The following FMN2 variants were observed in gnomAD, a reference collection of about 807,000 sequenced individuals.
FMN2 encodes formin 2.
A neutral mutation model predicts 142.3 loss-of-function variants in FMN2; 51 were observed. That is an observed-to-expected ratio of 0.36 (90% CI 0.29 to 0.45). The LOEUF (loss-of-function observed/expected upper bound fraction) is 0.45, where lower values mean the gene tolerates loss of function less well. Among genes scored for constraint, FMN2 ranks in the 20% least tolerant of loss-of-function variants. FMN2 has a pLI of 1.00. For synonymous variants in FMN2, 882 were observed against 869.8 expected (o/e 1.01, Z -0.25); for missense variants, 1,936 against 2,122.8 (o/e 0.91, Z 1.73).
At chr1:240,243,141 C>T (rs1379075) in intron 6 of FMN2, among the ~76,000 whole-genome samples, 1 of 151,534 alleles carries the variant, frequency 6.6e-6, no homozygotes, top group African/African-American at 2.4e-5. Flanking sequence ...AAAAAAAAAA[C>T]CAAAAAACAA....
intron 7 of FMN2, among the ~76,000 whole-genome samples, chr1:240,281,689 G>A (rs748755916): frequency 1.3e-4 from 19 of 151,854 alleles, no homozygotes; most frequent in African/African-American, 1.9e-4. Flanking sequence ...TTTCAATGTC[G>A]TACCATTTAA....
In FMN2 at chr1:240,413,261, G is replaced by A. The variant is rs1039872790; in HGVS notation, c.4910+20699G>A. ...AATGAAGTTGGTAGAGCTAGTCAGT[G>A]GGTGGTTTTTATGGAACCCGATCCA... On this transcript the variant is annotated intron_variant, in intron 15 of 17. Coordinates refer to ENST00000319653, the MANE Select transcript of FMN2 (RefSeq NM_020066.5). 3.6e-4 allele frequency among the ~76,000 whole-genome samples: 55 copies of A among 151,862 alleles called. 2 individuals carry two copies. Among genetic ancestry groups the A allele is most frequent in the Admixed American group, 3.3e-4 (5 of 15,252 alleles).
chr1:240,345,483 G>A (rs1361590279), intron 13 of FMN2, among the ~76,000 whole-genome samples: 3 of 152,002 alleles, frequency 2.0e-5, no homozygotes, highest in Non-Finnish European at 4.4e-5. Flanking sequence ...TGTTGTTTTT[G>A]TTTTTGAGAC....
At chr1:240,198,258 C>G (rs1355244911) in intron 4 of FMN2, among the ~76,000 whole-genome samples, 1 of 152,192 alleles carries the variant, frequency 6.6e-6, no homozygotes, top group Non-Finnish European at 1.5e-5. Flanking sequence ...AAGGCTGGTT[C>G]TTTTTGCTGT....
intron 15 of FMN2, among the ~76,000 whole-genome samples, chr1:240,415,463 A>G (rs1013560951): frequency 1.3e-5 from 2 of 151,960 alleles, no homozygotes; most frequent in Non-Finnish European, 2.9e-5. Flanking sequence ...ACAGCAAACC[A>G]CCATGGCACA....
In FMN2 at chr1:240,473,981, T is replaced by C. The variant is rs1676893832; in HGVS notation, c.5143-147T>C. ...AAGATAACACAGATCCCACTTATAC[T>C]TTTTTCCTTTATGGACTGGTAGACC... On this transcript the variant is annotated intron_variant, in intron 17 of 17. Coordinates refer to ENST00000319653, the MANE Select transcript of FMN2 (RefSeq NM_020066.5). The surrounding 1 kb of genome is among the most constrained non-coding windows in gnomAD (Gnocchi z 4.3). 1 of 624,686 alleles carries C rather than the reference T, an allele frequency of 1.6e-6. No homozygotes were observed. Among genetic ancestry groups the C allele is most frequent in the African/African-American group, 2.0e-5 (1 of 50,758 alleles). 38.7% of individuals were successfully genotyped at this position (624,686 alleles called of 1,614,324 possible).
At chr1:240,206,106 G>A (rs1572058753) in intron 4 of FMN2, among the ~76,000 whole-genome samples, 1 of 151,668 alleles carries the variant, frequency 6.6e-6, no homozygotes, top group Non-Finnish European at 1.5e-5. Flanking sequence ...GTCTTGCTAT[G>A]TTGCTCAGGC....
chr1:240,207,485 G>A lies in FMN2; in HGVS notation c.2673G>A (p.Leu891=), dbSNP rs763905334. 3 of 1,611,340 alleles carry A rather than the reference G, an allele frequency of 1.9e-6. No individual in the cohort carries two copies. Among genetic ancestry groups the A allele is most frequent in the Middle Eastern group, 1.7e-4 (1 of 6,052 alleles). ...PPLPGMTVPT[L]PSTAIPQPPP... Reference sequence around the variant, plus strand: ...TCCCTGGCATGACAGTGCCTACTCTGCCCAGTACAGCCATTCCCCAACCTC... The same window carrying A: ...TCCCTGGCATGACAGTGCCTACTCTACCCAGTACAGCCATTCCCCAACCTC... The change falls in exon 5 of 18, where the codon CTG becomes CTA. Residue 891 remains leucine (L), a synonymous_variant. Coordinates refer to ENST00000319653, the MANE Select transcript of FMN2 (RefSeq NM_020066.5).
chr1:240,231,447 G>A (rs1322221826), intron 6 of FMN2, among the ~76,000 whole-genome samples: 1 of 74,710 alleles, frequency 1.3e-5, no homozygotes, highest in Non-Finnish European at 2.6e-5. Flanking sequence ...ACAGAAAGTT[G>A]AACAGGAAGG....
At position 240,208,700 on chromosome 1, in the gene FMN2, T is replaced by C. The variant is rs149661682; in HGVS notation, c.3888T>C (p.Leu1296=). 650 of 1,613,390 alleles carry C rather than the reference T, an allele frequency of 4.0e-4. 1 individual carries two copies. In the African/African-American group the frequency reaches 7.9e-3, roughly 20 times the overall value. ...AGCCTTGTCGACCAATGAAGCCTCT[T>C]TACTGGACCAGGATTCAACTACATA... ...PIEPCRPMKP[L]YWTRIQLHSK... Residue 1296 remains leucine, a synonymous_variant, in exon 5 of 18, where the codon CTT becomes CTC. Transcript: ENST00000319653.
At chr1:240,271,455 C>T (rs1283243071) in intron 7 of FMN2, among the ~76,000 whole-genome samples, 1 of 148,000 alleles carries the variant, frequency 6.8e-6, no homozygotes, top group Non-Finnish European at 1.5e-5. Flanking sequence ...GCTTATAAGG[C>T]TTGCTTAGAA....
chr1:240,241,916 G>C (rs60068631), intron 6 of FMN2, among the ~76,000 whole-genome samples: 3,612 of 145,376 alleles, frequency 0.025, 134 homozygotes, highest in African/African-American at 0.088. Flanking sequence ...TCCGATCTCG[G>C]CTCACTGCAA....
At chr1:240,394,134 G>A (rs1673697727) in intron 15 of FMN2, among the ~76,000 whole-genome samples, 1 of 152,166 alleles carries the variant, frequency 6.6e-6, no homozygotes, top group African/African-American at 2.4e-5. Flanking sequence ...TGGGTGAAGG[G>A]TCTGGCCTCT....
intron 8 of FMN2, among the ~76,000 whole-genome samples, chr1:240,319,585 G>C (rs1489239188): frequency 6.6e-6 from 1 of 152,244 alleles, no homozygotes; most frequent in African/African-American, 2.4e-5. Flanking sequence ...AGGGATTTAA[G>C]TTAGTGTCCT....
At chr1:240,401,932 G>A (rs926786212) in intron 15 of FMN2, among the ~76,000 whole-genome samples, 2 of 152,150 alleles carry the variant, frequency 1.3e-5, no homozygotes, top group Admixed American at 1.3e-4. Context: ...ATGTAAAAAG[G>A]AATATAACCT....
At chr1:240,223,623 T>C (rs982263599) in intron 6 of FMN2, among the ~76,000 whole-genome samples, 2 of 152,170 alleles carry the variant, frequency 1.3e-5, no homozygotes, top group Non-Finnish European at 2.9e-5. Context: ...CTGGGCTTTT[T>C]TTGGTTGGTA....
rs1384384484 is a variant in FMN2, at chr1:240,387,615, G to A, written c.4859-4896G>A. 2.0e-5 allele frequency among the ~76,000 whole-genome samples: 3 copies of A among 152,138 alleles called. No individual in the cohort carries two copies. In the South Asian group the frequency reaches 6.2e-4, roughly 31 times the overall value. Reference sequence around the variant, plus strand: ...ATTAAATATATTTTAAAGCAATCCCGTGGTTTTATAAAGGTCTTGGGCCAT... The same window carrying A: ...ATTAAATATATTTTAAAGCAATCCCATGGTTTTATAAAGGTCTTGGGCCAT... On this transcript the variant is annotated intron_variant, in intron 14 of 17. Coordinates refer to ENST00000319653, the MANE Select transcript of FMN2 (RefSeq NM_020066.5).
intron 7 of FMN2, among the ~76,000 whole-genome samples, chr1:240,270,332 A>T (rs1378086829): frequency 6.6e-6 from 1 of 152,126 alleles, no homozygotes; most frequent in African/African-American, 2.4e-5. Flanking sequence ...CAGTGTGAAG[A>T]TTTCTCAAAA....
chr1:240,451,546 C>A (rs895508434), intron 16 of FMN2, among the ~76,000 whole-genome samples: 1 of 152,012 alleles, frequency 6.6e-6, no homozygotes, highest in Non-Finnish European at 1.5e-5. Flanking sequence ...TTGGCGTGTT[C>A]CCCAGGAGGA....
Sources: allele counts gnomAD v4.1 joint callset (sites outside exome capture counted in the v4.1 genomes callset), GRCh38; gene constraint gnomAD v4.1.1; non-coding constraint Gnocchi (gnomAD v3.1); transcripts MANE v1.5; gene names NCBI Gene and HGNC (gene_info 2026-07-23, HGNC 2026-07-21).